DHRS9: variants seen among roughly 807,000 people sequenced by gnomAD.
The protein encoded by DHRS9 is dehydrogenase/reductase 9.
Under a neutral mutation model 26.6 loss-of-function variants are expected in DHRS9, and 18 were observed. That is an observed-to-expected ratio of 0.68 (90% CI 0.47 to 1.00). The LOEUF (loss-of-function observed/expected upper bound fraction) is 1.00. DHRS9 is among the 50% of genes least tolerant of loss of function. DHRS9 has a pLI of 0.00. For synonymous variants in DHRS9, 134 were observed against 141.1 expected (o/e 0.95, Z 0.36); for missense variants, 425 against 378.7 (o/e 1.12, Z -1.01).
intron 4 of DHRS9, among the ~76,000 whole-genome samples, chr2:169,094,088 A>G (rs921299314): frequency 1.3e-5 from 2 of 152,230 alleles, no homozygotes; most frequent in African/African-American, 2.4e-5. Context: ...TGCCCTTGTC[A>G]ATACTTGTTA....
At position 169,091,773 on chromosome 2, in the gene DHRS9, A is replaced by G. The variant is rs199561745; in HGVS notation, c.573-17A>G. 2.5e-6 allele frequency: 4 copies of G among 1,588,804 alleles called. No individual in the cohort carries two copies. The highest frequency in any genetic ancestry group is 1.1e-5 in the South Asian group (1 of 88,030). On this transcript the variant is annotated splice_polypyrimidine_tract_variant and intron_variant, in intron 3 of 4. Coordinates refer to ENST00000674881, the MANE Select transcript of DHRS9 (RefSeq NM_001376924.1). ...AACAAACCCGGATTAAACATCTTCAATGGGTTCTTTTCACAGACGGGACAT... is the reference window on the plus strand; with the variant it reads ...AACAAACCCGGATTAAACATCTTCAGTGGGTTCTTTTCACAGACGGGACAT...
chr2:169,072,689 T>A (rs1429728437), intron 1 of DHRS9: 1 of 982,046 alleles, frequency 1.0e-6, no homozygotes, highest in East Asian at 1.1e-4. Flanking sequence ...GTGCATGGTG[T>A]ATGAAAGACA....
chr2:169,078,322 A>T (rs189369123), intron 1 of DHRS9, among the ~76,000 whole-genome samples: 2 of 152,124 alleles, frequency 1.3e-5, no homozygotes, highest in Non-Finnish European at 2.9e-5. Flanking sequence ...CAACACAAAA[A>T]CTTCCAACTC....
chr2:169,071,375 GAATA>G (rs1039975891), intron 1 of DHRS9, among the ~76,000 whole-genome samples: 2 of 152,182 alleles, frequency 1.3e-5, no homozygotes, highest in Admixed American at 6.5e-5. Context: ...GATAATTAAT[GAATA>G]GTTAGGGATG....
At chr2:169,093,510 G>A (rs1684600766) in intron 4 of DHRS9, among the ~76,000 whole-genome samples, 1 of 152,054 alleles carries the variant, frequency 6.6e-6, no homozygotes, top group African/African-American at 2.4e-5. Flanking sequence ...TTCTATGTAG[G>A]TTCCATCTAA....
rs552871600 is a variant in DHRS9, at chr2:169,081,933, G to A, written c.313+39G>A. On this transcript the variant is annotated intron_variant, in intron 2 of 4. Transcript: ENST00000674881. ...AAGTGGGTAGGATGGGACAGGGATA[G>A]GGGATAGGGAGGTAACCAAAGCTAA... 1.8e-5 allele frequency: 27 copies of A among 1,537,556 alleles called. No homozygotes were observed. The South Asian group carries it at 3.0e-4, about 17-fold the overall frequency.
At chr2:169,080,626 A>G (rs1574027420) in intron 1 of DHRS9, among the ~76,000 whole-genome samples, 1 of 152,224 alleles carries the variant, frequency 6.6e-6, no homozygotes, top group Non-Finnish European at 1.5e-5. Context: ...AAAGCCCTCT[A>G]CCTGCCTGAT....
chr2:169,081,465 G>A lies in DHRS9; in HGVS notation c.-59-58G>A, dbSNP rs1225412264. On this transcript the variant is annotated intron_variant, in intron 1 of 4. Coordinates refer to ENST00000674881, the MANE Select transcript of DHRS9 (RefSeq NM_001376924.1). ...AAAATATCTCAAATTCATCAGTCCT[G>A]GGTTATAATGCCTTGGTAGTTCTAA... 9 of 1,484,462 alleles carry A rather than the reference G, an allele frequency of 6.1e-6. No homozygotes were observed. In the East Asian group the frequency reaches 1.2e-4, roughly 20 times the overall value. 92.0% of individuals were successfully genotyped at this position (1,484,462 alleles called of 1,614,324 possible). A position where few individuals can be genotyped will look rare whatever the true frequency, so the allele number is the denominator to read the frequency against.
chr2:169,067,329 G>A (rs968200062), upstream of DHRS9: 11 of 1,522,004 alleles, frequency 7.2e-6, no homozygotes, highest in Non-Finnish European at 8.8e-6. Flanking sequence ...ACCATCCCCA[G>A]AATGGTGTAG....
intron 3 of DHRS9, among the ~76,000 whole-genome samples, chr2:169,089,584 T>C (rs1286599159): frequency 1.3e-5 from 2 of 152,258 alleles, no homozygotes; most frequent in East Asian, 3.8e-4. Context: ...AAGGCATATG[T>C]TAGAGTTTAT....
chr2:169,081,958 A>C, intron 2 of DHRS9, 64 bp downstream of exon 2: 1 of 1,470,010 alleles, frequency 6.8e-7, no homozygotes, highest in Non-Finnish European at 9.1e-7. Flanking sequence ...ACCAAAGCTA[A>C]ATAAAACATG....
chr2:169,085,823 T>A (rs1180899996), intron 3 of DHRS9, among the ~76,000 whole-genome samples: 3 of 152,232 alleles, frequency 2.0e-5, no homozygotes, highest in Admixed American at 1.3e-4. Flanking sequence ...CAAACAAGGA[T>A]AATTTGACTT....
chr2:169,090,088 T>C (rs1684473993), intron 3 of DHRS9, among the ~76,000 whole-genome samples: 1 of 152,196 alleles, frequency 6.6e-6, no homozygotes, highest in Admixed American at 6.5e-5. Context: ...ATAAAGAGTA[T>C]TTTTCTTAAA....
intron 1 of DHRS9, chr2:169,081,253 T>C (rs751861272): frequency 1.4e-5 from 12 of 862,196 alleles, no homozygotes; most frequent in African/African-American, 1.8e-5. Flanking sequence ...GGCAACTCAA[T>C]GGCTTGTGTC....
At chr2:169,086,101 C>T (rs979652206) in intron 3 of DHRS9, among the ~76,000 whole-genome samples, 1 of 152,044 alleles carries the variant, frequency 6.6e-6, no homozygotes, top group Admixed American at 6.6e-5. Context: ...TCTCCCTCCT[C>T]TATAAAGCCA....
chr2:169,073,240 G>C (rs547846568), intron 1 of DHRS9, among the ~76,000 whole-genome samples: 27 of 152,326 alleles, frequency 1.8e-4, no homozygotes, highest in African/African-American at 5.8e-4. Context: ...TGCAGTGGTA[G>C]AACAGAATGG....
chr2:169,074,558 C>A (rs1219655423), intron 1 of DHRS9: 2 of 526,634 alleles, frequency 3.8e-6, no homozygotes, highest in Non-Finnish European at 4.9e-6. Flanking sequence ...GCCCTATTAG[C>A]CTTTTAGTTG....
At chr2:169,068,108 G>T (rs1221953991), upstream of DHRS9, among the ~76,000 whole-genome samples, 1 of 152,194 alleles carries the variant, frequency 6.6e-6, no homozygotes, top group East Asian at 1.9e-4. Flanking sequence ...CCACCCAGGT[G>T]CATGAGGCTC....
At chr2:169,080,659 G>C (rs1245016317) in intron 1 of DHRS9, among the ~76,000 whole-genome samples, 1 of 152,246 alleles carries the variant, frequency 6.6e-6, no homozygotes, top group African/African-American at 2.4e-5. Context: ...GCTACCTCTA[G>C]CCCTGACAAA....
Sources: allele counts gnomAD v4.1 joint callset (sites outside exome capture counted in the v4.1 genomes callset), GRCh38; gene constraint gnomAD v4.1.1; transcripts MANE v1.5; gene names NCBI Gene and HGNC (gene_info 2026-07-23, HGNC 2026-07-21).